Variants in ADK observed in about 807,000 individuals in gnomAD.
ADK encodes the protein adenosine kinase.
In ADK, 24 loss-of-function variants were observed where a neutral mutation model predicts 44.7. The observed-to-expected ratio is 0.54, with a 90% CI of 0.39 to 0.76. The LOEUF is 0.76. Among genes scored for constraint, ADK ranks in the 30% least tolerant of loss-of-function variants. The pLI is 0.00. For synonymous variants in ADK, 128 were observed against 142.6 expected (o/e 0.90, Z 0.73); for missense variants, 321 against 425.1 (o/e 0.76, Z 2.15).
intron 7 of ADK, among the ~76,000 whole-genome samples, chr10:74,584,080 A>G (rs888268424): frequency 6.6e-6 from 1 of 152,224 alleles, no homozygotes; most frequent in African/African-American, 2.4e-5. Context: ...CTAGGTCTAG[A>G]GCACATTCAA....
chr10:74,370,893 A>G (rs762040517), intron 4 of ADK, among the ~76,000 whole-genome samples: 2 of 152,022 alleles, frequency 1.3e-5, no homozygotes, highest in Non-Finnish European at 2.9e-5. Flanking sequence ...CTTTTGATAA[A>G]TATTTTTGAT....
chr10:74,245,594 G>GTTTTTTT (rs11377208), intron 3 of ADK, among the ~76,000 whole-genome samples: 8 of 141,266 alleles, frequency 5.7e-5, no homozygotes, highest in Non-Finnish European at 1.1e-4. Flanking sequence ...TTTTGTTTTT[G>GTTTTTTT]TTTTTTTTTT....
intron 10 of ADK, among the ~76,000 whole-genome samples, chr10:74,671,617 G>T (rs954275964): frequency 6.6e-6 from 1 of 152,132 alleles, no homozygotes; most frequent in Non-Finnish European, 1.5e-5. Flanking sequence ...AGCTATAGAT[G>T]TATGTAGGCT....
intron 3 of ADK, among the ~76,000 whole-genome samples, chr10:74,267,754 T>TTTTTTGTGTGTGTGTGTGTGTG (rs1554835954): frequency 7.5e-6 from 1 of 132,734 alleles, no homozygotes; most frequent in Non-Finnish European, 1.6e-5. Flanking sequence ...ATATCCTTAT[T>TTTTTTGTGTGTGTGTGTGTGTG]TGTGTGTGTG....
chr10:74,533,549 G>C (rs970663326), intron 7 of ADK, among the ~76,000 whole-genome samples: 1 of 152,146 alleles, frequency 6.6e-6, no homozygotes, highest in Admixed American at 6.5e-5. Context: ...TTGACAAGTC[G>C]TTCTGGAGCA....
intron 3 of ADK, among the ~76,000 whole-genome samples, chr10:74,229,972 C>T (rs1023555645): frequency 5.3e-5 from 8 of 151,494 alleles, no homozygotes; most frequent in South Asian, 2.1e-4. Context: ...CCAGGAGGTC[C>T]AGGCTGCAGT....
intron 8 of ADK, among the ~76,000 whole-genome samples, chr10:74,596,013 A>C (rs1851913499): frequency 1.3e-5 from 2 of 151,140 alleles, no homozygotes; most frequent in African/African-American, 4.9e-5. Context: ...AAAAAAAAAA[A>C]AAACCACTGA....
chr10:74,216,481 T>A (rs1175944968), intron 2 of ADK, among the ~76,000 whole-genome samples: 3 of 151,884 alleles, frequency 2.0e-5, no homozygotes, highest in Non-Finnish European at 2.9e-5. Flanking sequence ...TCCTAGTACT[T>A]TGGGAGGACA....
chr10:74,353,885 A>T (rs1842049726), intron 4 of ADK, among the ~76,000 whole-genome samples: 2 of 152,094 alleles, frequency 1.3e-5, no homozygotes, highest in Admixed American at 6.6e-5. Flanking sequence ...AAAAAACTTC[A>T]GTTTACTTGA....
chr10:74,675,990 C>T (rs1047727872), intron 10 of ADK, among the ~76,000 whole-genome samples: 1 of 148,916 alleles, frequency 6.7e-6, no homozygotes, highest in African/African-American at 2.5e-5. Context: ...CACTTATATA[C>T]AACTCTCAGA....
At chr10:74,206,122 T>G (rs1449892284) in intron 2 of ADK, among the ~76,000 whole-genome samples, 1 of 152,172 alleles carries the variant, frequency 6.6e-6, no homozygotes, top group African/African-American at 2.4e-5. Context: ...AAAAAAATCA[T>G]GATGTATAAA....
intron 6 of ADK, among the ~76,000 whole-genome samples, chr10:74,418,519 C>T (rs756965034): frequency 6.6e-6 from 1 of 151,994 alleles, no homozygotes; most frequent in Non-Finnish European, 1.5e-5. Flanking sequence ...GGTCCTGAGG[C>T]GATTAATGAC....
intron 3 of ADK, among the ~76,000 whole-genome samples, chr10:74,305,901 T>A (rs1040961586): frequency 6.6e-6 from 1 of 152,056 alleles, no homozygotes; most frequent in African/African-American, 2.4e-5. Context: ...TATTTTTATT[T>A]TTTTGTAGAA....
At chr10:74,168,335 C>G (rs1265467051) in intron 1 of ADK, among the ~76,000 whole-genome samples, 1 of 151,838 alleles carries the variant, frequency 6.6e-6, no homozygotes, top group Admixed American at 6.6e-5. Context: ...GTCAGGAGAT[C>G]GAGACCATCC....
At chr10:74,455,973 T>C (rs912707311) in intron 6 of ADK, among the ~76,000 whole-genome samples, 7 of 152,100 alleles carry the variant, frequency 4.6e-5, no homozygotes, top group Non-Finnish European at 1.0e-4. Flanking sequence ...GACGATTACA[T>C]TGTGTCTGGG....
chr10:74,667,041 G>A (rs1022784933), intron 9 of ADK, among the ~76,000 whole-genome samples: 2 of 151,926 alleles, frequency 1.3e-5, no homozygotes, highest in African/African-American at 2.4e-5. Flanking sequence ...ATGTTGGCGA[G>A]TCTGGTCTCA....
At chr10:74,475,653 C>T (rs1194991439) in intron 6 of ADK, among the ~76,000 whole-genome samples, 2 of 151,864 alleles carry the variant, frequency 1.3e-5, no homozygotes, top group African/African-American at 4.8e-5. Context: ...CCTGTGTGAG[C>T]CATGATCATG....
chr10:74,173,995 A>G (rs1842243673), intron 1 of ADK, among the ~76,000 whole-genome samples: 1 of 152,068 alleles, frequency 6.6e-6, no homozygotes. Flanking sequence ...AAACCGAGGG[A>G]CAGACAGTTT....
chr10:74,379,748 T>G (rs1375081473), intron 4 of ADK, among the ~76,000 whole-genome samples: 3 of 152,190 alleles, frequency 2.0e-5, no homozygotes, highest in South Asian at 2.1e-4. Context: ...CTATTTAAAA[T>G]ATATTTTAGC....
Sources: allele counts gnomAD v4.1 joint callset (sites outside exome capture counted in the v4.1 genomes callset), GRCh38; gene constraint gnomAD v4.1.1; transcripts MANE v1.5; gene names NCBI Gene and HGNC (gene_info 2026-07-23, HGNC 2026-07-21).